The following GPD1L variants were observed in gnomAD, a reference collection of about 807,000 sequenced individuals.
GPD1L encodes the protein glycerol-3-phosphate dehydrogenase 1-like protein.
In GPD1L, 17 loss-of-function variants were observed where a neutral mutation model predicts 32.9. The ratio of observed to expected loss-of-function variants is 0.52; its 90% CI spans 0.35 to 0.78. The LOEUF (loss-of-function observed/expected upper bound fraction) is 0.78. Ranked by LOEUF, GPD1L falls within the 30% of genes least tolerant of loss-of-function variation. The pLI, the probability that GPD1L is intolerant of heterozygous loss-of-function variation, is 0.01. For synonymous variants in GPD1L, 187 were observed against 165.9 expected, an observed-to-expected ratio of 1.13 and a Z score of -0.98; for missense variants, 361 against 447.8, an observed-to-expected ratio of 0.81 and a Z score of 1.75.
intron 1 of GPD1L, 21 bp from the exon 2 acceptor site, chr3:32,128,055 T>C (rs1482750488): frequency 1.9e-6 from 3 of 1,579,152 alleles, no homozygotes; most frequent in Non-Finnish European, 2.6e-6. Context: ...ATGTTTTTCT[T>C]TTCCACGATT....
intron 1 of GPD1L, among the ~76,000 whole-genome samples, chr3:32,114,305 G>A (rs1369258884): frequency 6.6e-6 from 1 of 152,244 alleles, no homozygotes; most frequent in Non-Finnish European, 1.5e-5. Context: ...TCTAACAAGA[G>A]TAAGAGAAGG....
chr3:32,137,524 C>G (rs1214754576), intron 2 of GPD1L, among the ~76,000 whole-genome samples: 1 of 152,166 alleles, frequency 6.6e-6, no homozygotes, highest in African/African-American at 2.4e-5. Context: ...CATTGATGCT[C>G]CCTTGATCAG....
At chr3:32,130,508 T>A (rs544027821) in intron 2 of GPD1L, among the ~76,000 whole-genome samples, 1 of 152,258 alleles carries the variant, frequency 6.6e-6, no homozygotes, top group Non-Finnish European at 1.5e-5. Context: ...TGTGAGACCC[T>A]CAAACTGCTG....
intron 1 of GPD1L, among the ~76,000 whole-genome samples, chr3:32,109,273 T>A (rs1160784516): frequency 6.6e-6 from 1 of 152,200 alleles, no homozygotes; most frequent in Non-Finnish European, 1.5e-5. Context: ...TCTGTACAAT[T>A]CCACAGATGA....
chr3:32,115,444 T>G (rs1406599631), intron 1 of GPD1L, among the ~76,000 whole-genome samples: 2 of 152,218 alleles, frequency 1.3e-5, no homozygotes, highest in Non-Finnish European at 2.9e-5. Flanking sequence ...TCCAGCTGGC[T>G]TCACCTCTCA....
At chr3:32,165,339 T>C (rs1701131266) in intron 7 of GPD1L, among the ~76,000 whole-genome samples, 1 of 142,256 alleles carries the variant, frequency 7.0e-6, no homozygotes, top group African/African-American at 2.7e-5. Flanking sequence ...GCTTTGCTAA[T>C]CGTGGGTCCT....
At chr3:32,161,137 G>A (rs939987587) in intron 7 of GPD1L, among the ~76,000 whole-genome samples, 2 of 152,140 alleles carry the variant, frequency 1.3e-5, no homozygotes, top group African/African-American at 4.8e-5. Context: ...GCTGGTCCCA[G>A]TCATGCATCT....
intron 1 of GPD1L, among the ~76,000 whole-genome samples, chr3:32,126,216 A>C (rs72850640): frequency 0.024 from 3,673 of 152,264 alleles, 149 homozygotes; most frequent in African/African-American, 0.083. Flanking sequence ...TAAATAAATA[A>C]ATACATAAAT....
chr3:32,162,636 C>T (rs1343290935), intron 7 of GPD1L, among the ~76,000 whole-genome samples: 3 of 57,672 alleles, frequency 5.2e-5, no homozygotes, highest in Non-Finnish European at 9.0e-5. Flanking sequence ...CCACCCGCCT[C>T]GGCCTCCCAA....
intron 1 of GPD1L, among the ~76,000 whole-genome samples, chr3:32,118,748 A>G (rs9842999): frequency 0.41 from 62,650 of 151,812 alleles, 14,665 homozygotes; most frequent in East Asian, 0.64. Context: ...CTGAAACTCT[A>G]TATTCATTAA....
chr3:32,107,175 A>T (rs1481388378), intron 1 of GPD1L, among the ~76,000 whole-genome samples: 3 of 152,126 alleles, frequency 2.0e-5, no homozygotes, highest in Non-Finnish European at 2.9e-5. Flanking sequence ...GTGTTGAGGA[A>T]ACCGAGGCGG....
intron 7 of GPD1L, among the ~76,000 whole-genome samples, chr3:32,163,898 T>A (rs1171393973): frequency 1.3e-5 from 2 of 152,242 alleles, no homozygotes; most frequent in Non-Finnish European, 2.9e-5. Flanking sequence ...GTTGGCCCAG[T>A]GGCTCTGGCT....
chr3:32,131,409 C>T (rs1392569019), intron 2 of GPD1L, among the ~76,000 whole-genome samples: 1 of 152,166 alleles, frequency 6.6e-6, no homozygotes, highest in African/African-American at 2.4e-5. Context: ...TCCTGTTTTC[C>T]CCAGTTGTCC....
intron 5 of GPD1L, among the ~76,000 whole-genome samples, chr3:32,147,535 C>A (rs1224777414): frequency 6.6e-6 from 1 of 152,162 alleles, no homozygotes; most frequent in Non-Finnish European, 1.5e-5. Context: ...GGGGAACAAC[C>A]AACAGGGAAC....
At chr3:32,122,062 C>A (rs981326671) in intron 1 of GPD1L, among the ~76,000 whole-genome samples, 1 of 152,100 alleles carries the variant, frequency 6.6e-6, no homozygotes, top group African/African-American at 2.4e-5. Flanking sequence ...AGCCACCGTG[C>A]GCAGCAGCAC....
intron 5 of GPD1L, chr3:32,151,520 C>T: frequency 3.4e-6 from 1 of 290,236 alleles, no homozygotes; most frequent in Non-Finnish European, 6.3e-6. Flanking sequence ...CACTCTGTTG[C>T]CCAGGCTGGA....
At position 32,149,809 on chromosome 3, in the gene GPD1L, C is replaced by T. The variant is rs184361380; in HGVS notation, c.618+3075C>T. 3.2e-4 allele frequency among the ~76,000 whole-genome samples: 48 copies of T among 152,104 alleles called. No homozygotes were observed. The South Asian group carries it at 7.3e-3, about 23-fold the overall frequency. On this transcript the variant is annotated intron_variant, in intron 5 of 7. Transcript: ENST00000282541. ...CTAAAAAATACAAAAATTAGCTGGGCGTGGTGGTGTGTGCCTGTAATCCCA... is the reference window on the plus strand; with the variant it reads ...CTAAAAAATACAAAAATTAGCTGGGTGTGGTGGTGTGTGCCTGTAATCCCA...
intron 2 of GPD1L, among the ~76,000 whole-genome samples, chr3:32,132,471 T>G (rs1441306218): frequency 6.6e-6 from 1 of 152,238 alleles, no homozygotes; most frequent in African/African-American, 2.4e-5. Flanking sequence ...ATACTAGGGT[T>G]GGGGTAATAC....
At chr3:32,114,304 AG>A (rs1440212202) in intron 1 of GPD1L, among the ~76,000 whole-genome samples, 5 of 152,242 alleles carry the variant, frequency 3.3e-5, no homozygotes, top group African/African-American at 1.2e-4. Flanking sequence ...TTCTAACAAG[AG>A]TAAGAGAAGG....
Sources: allele counts gnomAD v4.1 joint callset (sites outside exome capture counted in the v4.1 genomes callset), GRCh38; gene constraint gnomAD v4.1.1; transcripts MANE v1.5; gene names NCBI Gene and HGNC (gene_info 2026-07-23, HGNC 2026-07-21).